Variants in ATP8A1 observed in about 807,000 individuals in gnomAD.
ATP8A1 encodes the protein phospholipid-transporting ATPase IA.
ATP8A1 carries 90 observed loss-of-function variants against 177.7 expected under a neutral mutation model. That is an observed-to-expected ratio of 0.51 (90% CI 0.43 to 0.60). ATP8A1 has a LOEUF of 0.60. Among genes scored for constraint, ATP8A1 ranks in the 20% least tolerant of loss-of-function variants. ATP8A1 has a pLI of 0.00. For missense variants in ATP8A1, 1,072 were observed against 1,392.8 expected (o/e 0.77, Z 3.67); for synonymous variants, 493 against 485.9 (o/e 1.01, Z -0.19).
intron 33 of ATP8A1, among the ~76,000 whole-genome samples, chr4:42,427,109 A>G (rs2153169114): frequency 6.6e-6 from 1 of 152,366 alleles, no homozygotes. Context: ...GTGTCTGGAC[A>G]AAGCTTTATA....
chr4:42,597,916 T>A (rs1055370319), intron 6 of ATP8A1, among the ~76,000 whole-genome samples: 1 of 152,166 alleles, frequency 6.6e-6, no homozygotes, highest in Non-Finnish European at 1.5e-5. Flanking sequence ...TTTTATTAGG[T>A]TGAATATTAT....
rs1396467319 is a variant in ATP8A1, at chr4:42,625,618, A to T, written c.260T>A (p.Leu87Gln). Residue 87 changes from leucine to glutamine, a missense_variant, in exon 3 of 37, where the codon CTG (leucine) becomes CAG (glutamine). By Grantham distance (113) the Leu-to-Gln change is moderately radical. This residue lies in a region of ATP8A1 where 344 missense variants were observed against 393.5 expected (regional missense o/e 0.87). Coordinates refer to ENST00000381668, the MANE Select transcript of ATP8A1 (RefSeq NM_006095.2). The part of the protein sequence containing the change: ...ANSFFLFIAL[L>Q]QQIPDVSPTG... ...GGTTTTATGACGTGACTTTACCTGC[A>T]GCAGTGCAATAAAGAGAAAAAATGA... The T allele has an allele frequency of 5.7e-6, 9 of 1,590,090 alleles. No individual in the cohort carries two copies. The highest frequency in any genetic ancestry group is 7.7e-6 in the Non-Finnish European group (9 of 1,164,404).
In ATP8A1 at chr4:42,412,753, C is replaced by T. The variant is rs1400359981; in HGVS notation, c.*163G>A. ...GGTGTTACAGTACAGTTGCACAGTG[C>T]TTATGTCTATAATATACATGAATCT... On this transcript the variant is annotated 3_prime_UTR_variant, in exon 37 of 37. Transcript: ENST00000381668. 5.0e-6 allele frequency: 3 copies of T among 604,084 alleles called. No individual in the cohort carries two copies. In the East Asian group the frequency reaches 8.4e-5, roughly 17 times the overall value. 37.4% of individuals were successfully genotyped at this position (604,084 alleles called of 1,614,324 possible). A position where few individuals can be genotyped will look rare whatever the true frequency, so the allele number is the denominator to read the frequency against.
At chr4:42,427,615 T>C (rs1479235755) in intron 33 of ATP8A1, among the ~76,000 whole-genome samples, 3 of 152,272 alleles carry the variant, frequency 2.0e-5, no homozygotes, top group East Asian at 1.9e-4. Context: ...TTTAATTCGA[T>C]AATTCAATTT....
Position 42,512,981 on chromosome 4 carries a change from A to G in ATP8A1, c.1948-5827T>C, listed in dbSNP as rs575455150. Among the ~76,000 whole-genome samples the G allele has an allele frequency of 2.6e-5, 4 of 152,314 alleles. No homozygotes were observed. In the South Asian group the frequency reaches 8.3e-4, roughly 32 times the overall value. ...CTTAATTATGCTGTGGTAGCATGAA[A>G]ACAGTTACAGACAACATGTAAACAA... is the stretch of plus-strand genomic sequence containing the variant. On this transcript the variant is annotated intron_variant, in intron 22 of 36. Transcript: ENST00000381668.
chr4:42,552,512 T>C lies in ATP8A1; in HGVS notation c.1512A>G (p.Ala504=), dbSNP rs1041302180. The C allele has an allele frequency of 9.3e-6, 15 of 1,608,786 alleles. No homozygotes were observed. Among genetic ancestry groups the C allele is most frequent in the African/African-American group, 1.3e-5 (1 of 74,730 alleles). Residue 504 remains alanine, a synonymous_variant, in exon 17 of 37, where the codon GCA becomes GCG. Transcript: ENST00000381668. The part of the protein sequence containing the change: ...REGDKIIYQA[A]SPDEGALVRA... The stretch of plus-strand genomic sequence containing the variant: ...CAATTGCTTCATTTGTACCTGGAGA[T>C]GCTGCTTGATAAATAATCTTGTCAC...
At chr4:42,463,347 C>T (rs929513502) in intron 27 of ATP8A1, among the ~76,000 whole-genome samples, 1 of 152,138 alleles carries the variant, frequency 6.6e-6, no homozygotes, top group African/African-American at 2.4e-5. Flanking sequence ...ATCTTGAGGT[C>T]TGATGGTTTT....
intron 24 of ATP8A1, among the ~76,000 whole-genome samples, chr4:42,502,185 G>C (rs1578061658): frequency 6.6e-6 from 1 of 152,010 alleles, no homozygotes; most frequent in East Asian, 1.9e-4. Context: ...GACAGACATA[G>C]TTCCTGCTTT....
chr4:42,602,415 G>A (rs765047838), intron 5 of ATP8A1, among the ~76,000 whole-genome samples: 15 of 152,214 alleles, frequency 9.9e-5, no homozygotes, highest in Non-Finnish European at 1.8e-4. Flanking sequence ...AAGAGGTGCT[G>A]TCTCTGCCAG....
At chr4:42,425,572 A>G (rs561984668) in intron 33 of ATP8A1, among the ~76,000 whole-genome samples, 20 of 151,910 alleles carry the variant, frequency 1.3e-4, no homozygotes, top group South Asian at 1.2e-3. Flanking sequence ...GAGGGGGGGA[A>G]AAATAAAATC....
At chr4:42,592,306 T>A (rs1306529436) in intron 6 of ATP8A1, among the ~76,000 whole-genome samples, 1 of 152,182 alleles carries the variant, frequency 6.6e-6, no homozygotes. Context: ...GTGTTTTTAA[T>A]GCTTATAAAA....
intron 24 of ATP8A1, among the ~76,000 whole-genome samples, chr4:42,497,492 G>T (rs1204822061): frequency 6.6e-6 from 1 of 152,168 alleles, no homozygotes; most frequent in East Asian, 1.9e-4. Flanking sequence ...AGGTCTCAGG[G>T]AGCTCTTGGA....
In ATP8A1 at chr4:42,411,100, T is replaced by C. The variant is rs1712546755; in HGVS notation, c.*1816A>G. 1 of 152,162 alleles carries C rather than the reference T, an allele frequency of 6.6e-6. No individual in the cohort carries two copies. The highest frequency in any genetic ancestry group is 2.1e-4 in the South Asian group (1 of 4,828). 9.4% of individuals were successfully genotyped at this position (152,162 alleles called of 1,614,324 possible). On this transcript the variant is annotated 3_prime_UTR_variant, in exon 37 of 37. Coordinates refer to ENST00000381668, the MANE Select transcript of ATP8A1 (RefSeq NM_006095.2). ...CCTGTGGTCTTGCTAGATGTGTTGA[T>C]TCATGACTCTCTCAATCTGTACCCC...
chr4:42,623,908 GA>G (rs1737771344), intron 4 of ATP8A1, among the ~76,000 whole-genome samples: 1 of 151,754 alleles, frequency 6.6e-6, no homozygotes, highest in Non-Finnish European at 1.5e-5. Flanking sequence ...AAAAGAACAG[GA>G]AAAAAACCAA....
At chr4:42,561,707 C>T (rs1447820034) in intron 15 of ATP8A1, 2 of 152,282 alleles carry the variant, frequency 1.3e-5, no homozygotes, top group Non-Finnish European at 2.9e-5. Context: ...CTCATCTCAA[C>T]AGAAGTCACT....
chr4:42,470,757 C>T (rs1025554877), intron 25 of ATP8A1, among the ~76,000 whole-genome samples: 7 of 152,078 alleles, frequency 4.6e-5, no homozygotes, highest in African/African-American at 1.4e-4. Flanking sequence ...TATATAGTGA[C>T]CAAGCCCAGT....
At chr4:42,478,759 T>C (rs901447401) in intron 25 of ATP8A1, among the ~76,000 whole-genome samples, 4 of 152,208 alleles carry the variant, frequency 2.6e-5, no homozygotes. Flanking sequence ...GGGTTCTTCC[T>C]TTCTGTCCTG....
chr4:42,516,181 C>T (rs1725519470), intron 22 of ATP8A1, among the ~76,000 whole-genome samples: 1 of 152,194 alleles, frequency 6.6e-6, no homozygotes, highest in South Asian at 2.1e-4. Context: ...ATGATAAACA[C>T]AGTCCCTGCT....
intron 23 of ATP8A1, among the ~76,000 whole-genome samples, chr4:42,506,264 T>C (rs988910115): frequency 6.6e-6 from 1 of 152,162 alleles, no homozygotes; most frequent in Non-Finnish European, 1.5e-5. Flanking sequence ...AGCTCATGAA[T>C]AGGACTGGTG....
Sources: allele counts gnomAD v4.1 joint callset (sites outside exome capture counted in the v4.1 genomes callset), GRCh38; gene constraint gnomAD v4.1.1; regional missense constraint gnomAD v4.1.1; transcripts MANE v1.5; gene names NCBI Gene and HGNC (gene_info 2026-07-23, HGNC 2026-07-21).